FMN1: variants seen among roughly 807,000 people sequenced by gnomAD.
The protein encoded by FMN1 is formin-1.
In FMN1, 110 loss-of-function variants were observed where a neutral mutation model predicts 132.4. The ratio of observed to expected loss-of-function variants is 0.83; its 90% CI spans 0.71 to 0.97. The LOEUF (loss-of-function observed/expected upper bound fraction) is 0.97. FMN1 is among the 50% of genes least tolerant of loss of function. The probability of loss-of-function intolerance (pLI) is 0.00; values close to 1 mark genes in which losing one functional copy is unlikely to be tolerated. For missense variants in FMN1, 1,792 were observed against 1,705.3 expected (o/e 1.05, Z -0.90); for synonymous variants, 722 against 651.7 (o/e 1.11, Z -1.64).
chr15:32,895,179 A>G (rs2060123924), intron 15 of FMN1, among the ~76,000 whole-genome samples: 1 of 152,204 alleles, frequency 6.6e-6, no homozygotes, highest in Non-Finnish European at 1.5e-5. Flanking sequence ...TGATACAGAA[A>G]GGTTGAAAAC....
rs1347497552 is a variant in FMN1, at chr15:32,812,851, C to T, written c.3929-8519G>A. On this transcript the variant is annotated intron_variant, in intron 17 of 20. Coordinates refer to ENST00000616417, the MANE Select transcript of FMN1 (RefSeq NM_001277313.2). Reference sequence around the variant, plus strand: ...TCTACAATAGAAATATTTCAGGTGTCATGTATTCATTTATATTCTCTGGTG... The same window carrying T: ...TCTACAATAGAAATATTTCAGGTGTTATGTATTCATTTATATTCTCTGGTG... Among the ~76,000 whole-genome samples the T allele has an allele frequency of 3.3e-5, 5 of 152,270 alleles. No individual in the cohort carries two copies. The East Asian group carries it at 9.6e-4, about 29-fold the overall frequency.
chr15:32,903,235 A>G (rs1376791), intron 12 of FMN1, among the ~76,000 whole-genome samples: 37,008 of 152,146 alleles, frequency 0.24, 4,911 homozygotes, highest in Non-Finnish European at 0.3. Context: ...ATCTTGTTTT[A>G]AAGTTCAATA....
intron 6 of FMN1, among the ~76,000 whole-genome samples, chr15:33,046,493 G>C (rs2036690815): frequency 1.3e-5 from 2 of 152,170 alleles, no homozygotes; most frequent in Admixed American, 1.3e-4. Context: ...TAATGTCTAT[G>C]TTTTGTCACA....
chr15:32,962,356 G>C (rs1266201921), intron 9 of FMN1, among the ~76,000 whole-genome samples: 5 of 151,972 alleles, frequency 3.3e-5, no homozygotes, highest in Non-Finnish European at 5.9e-5. Flanking sequence ...ATGGATTAAA[G>C]ACTTAAACGT....
chr15:33,070,260 C>T (rs2037943261), intron 5 of FMN1, among the ~76,000 whole-genome samples: 1 of 151,810 alleles, frequency 6.6e-6, no homozygotes, highest in Non-Finnish European at 1.5e-5. Flanking sequence ...CCGCCTCGGC[C>T]TCCCAAAGTG....
chr15:32,783,287 A>C (rs1293620508), intron 19 of FMN1, among the ~76,000 whole-genome samples: 1 of 152,250 alleles, frequency 6.6e-6, no homozygotes, highest in Non-Finnish European at 1.5e-5. Flanking sequence ...TGAAAACTTT[A>C]TCTTTTCCTC....
In FMN1 at chr15:32,767,905, A is replaced by C. The variant is rs1313928311; in HGVS notation, c.*6405T>G. ...GCCTTCCAAATATTATGCAGAACAC[A>C]ATCTCAGTGGCGCTGAGCTACCTTC... On this transcript the variant is annotated 3_prime_UTR_variant, in exon 21 of 21. Coordinates refer to ENST00000616417, the MANE Select transcript of FMN1 (RefSeq NM_001277313.2). 1.3e-5 allele frequency: 2 copies of C among 152,146 alleles called. No individual in the cohort carries two copies. Among genetic ancestry groups the C allele is most frequent in the African/African-American group, 2.4e-5 (1 of 41,436 alleles). 9.4% of individuals were successfully genotyped at this position (152,146 alleles called of 1,614,324 possible). A position where few individuals can be genotyped will look rare whatever the true frequency, so the allele number is the denominator to read the frequency against.
chr15:32,836,625 C>G (rs2141188839), intron 17 of FMN1, among the ~76,000 whole-genome samples: 1 of 152,296 alleles, frequency 6.6e-6, no homozygotes, highest in Admixed American at 6.5e-5. Flanking sequence ...GAATGTAAAA[C>G]TTTCCCCTTG....
chr15:33,181,707 CTTTTTT>C (rs753993602), intron 2 of FMN1, among the ~76,000 whole-genome samples: 1 of 126,218 alleles, frequency 7.9e-6, no homozygotes, highest in African/African-American at 2.9e-5. Context: ...TTTTTTCTTT[CTTTTTT>C]TTTTTTTTTT....
intron 17 of FMN1, among the ~76,000 whole-genome samples, chr15:32,806,718 AG>A (rs1297200873): frequency 2.0e-5 from 3 of 152,168 alleles, no homozygotes; most frequent in Non-Finnish European, 4.4e-5. Context: ...TGCACATTGG[AG>A]GATCTTTGCA....
rs1555388955 is a variant in FMN1 at position 33,048,644 on chromosome 15, A to AACAAAAACAAAAACAAAAAC, written c.2161+16312_2161+16313insGTTTTTGTTTTTGTTTTTGT. On this transcript the variant is annotated intron_variant, in intron 6 of 20. Transcript: ENST00000616417. ...TGGGCAATTTACCAAAAAAAAAAAA[A>AACAAAAACAAAAACAAAAAC]AAAAACCAACAGTTTAATGGACTTA... is the stretch of plus-strand genomic sequence containing the variant. Among the ~76,000 whole-genome samples the AACAAAAACAAAAACAAAAAC allele has an allele frequency of 1.5e-4, 13 of 86,950 alleles. 1 individual carries two copies. Among genetic ancestry groups the AACAAAAACAAAAACAAAAAC allele is most frequent in the Non-Finnish European group, 2.1e-4 (9 of 42,092 alleles). 57.0% of individuals were successfully genotyped at this position (86,950 alleles called of 152,430 possible). A position where few individuals can be genotyped will look rare whatever the true frequency, so the allele number is the denominator to read the frequency against.
intron 5 of FMN1, chr15:33,066,535 C>A (rs183013008): frequency 1.3e-6 from 2 of 1,565,128 alleles, no homozygotes; most frequent in African/African-American, 2.8e-5. Context: ...AGGGGCCATC[C>A]GCTGGCTTAG....
At chr15:32,980,267 G>T (rs2032547099) in intron 7 of FMN1, among the ~76,000 whole-genome samples, 1 of 148,928 alleles carries the variant, frequency 6.7e-6, no homozygotes, top group Admixed American at 6.7e-5. Context: ...GACCCAAAGA[G>T]AAATATTTTC....
rs58109839 is a variant in FMN1 at position 32,937,244 on chromosome 15, T to A, written c.3139-10983A>T. Among the ~76,000 whole-genome samples the A allele has an allele frequency of 3.1e-3, 471 of 152,278 alleles. 4 individuals are homozygous for A. Among genetic ancestry groups the A allele is most frequent in the African/African-American group, 0.011 (440 of 41,542 alleles). ...ATTCACACACAACAGAAACCAGTCT[T>A]CAAAGTACCTCCCCAAAAGTCTGAA... On this transcript the variant is annotated intron_variant, in intron 9 of 20. Transcript: ENST00000616417.
At chr15:32,777,810 AC>A (rs1319944422) in intron 19 of FMN1, among the ~76,000 whole-genome samples, 1 of 119,662 alleles carries the variant, frequency 8.4e-6, no homozygotes, top group East Asian at 2.4e-4. Flanking sequence ...ATAATATAAT[AC>A]ATTTATTTAT....
chr15:33,009,950 G>T (rs894261931), intron 6 of FMN1, among the ~76,000 whole-genome samples: 1 of 152,016 alleles, frequency 6.6e-6, no homozygotes, highest in African/African-American at 2.4e-5. Context: ...GCAATGGCAC[G>T]ATCTTGGCTC....
intron 17 of FMN1, among the ~76,000 whole-genome samples, chr15:32,809,259 C>A (rs1177713949): frequency 6.6e-6 from 1 of 152,120 alleles, no homozygotes; most frequent in Non-Finnish European, 1.5e-5. Flanking sequence ...GTTAAGTTTT[C>A]TGAGAGCTAA....
At chr15:32,838,423 T>C (rs556672869) in intron 17 of FMN1, among the ~76,000 whole-genome samples, 24 of 152,002 alleles carry the variant, frequency 1.6e-4, no homozygotes, top group Non-Finnish European at 2.2e-4. Context: ...AAATGGCAGA[T>C]TGAAGGGACC....
chr15:32,926,067 T>C (rs370897885), intron 10 of FMN1, 107 bp downstream of exon 10: 45 of 678,282 alleles, frequency 6.6e-5, no homozygotes, highest in African/African-American at 5.9e-4. Flanking sequence ...ATTGGGTATA[T>C]AGGATTCATT....
Sources: gnomAD v4.1 joint callset for allele counts (sites outside exome capture counted in the v4.1 genomes callset) on GRCh38, gnomAD v4.1.1 for gene constraint, MANE v1.5 for transcripts, NCBI Gene and HGNC (gene_info 2026-07-23, HGNC 2026-07-21) for gene names.